The following JMJD1C variants were observed in gnomAD, a reference collection of about 807,000 sequenced individuals.
The protein encoded by JMJD1C is jumonji domain-containing protein 1C.
JMJD1C carries 31 observed loss-of-function variants against 245.3 expected under a neutral mutation model. The observed-to-expected ratio is 0.13, with a 90% CI of 0.09 to 0.17. The LOEUF (loss-of-function observed/expected upper bound fraction) is 0.17. JMJD1C is among the 10% of genes least tolerant of loss of function. The pLI is 1.00. For missense variants in JMJD1C, 2,691 were observed against 3,000.2 expected (o/e 0.90, Z 2.41); for synonymous variants, 1,057 against 1,017.4 (o/e 1.04, Z -0.74).
At chr10:63,294,808 T>C (rs1859184319) in intron 2 of JMJD1C, among the ~76,000 whole-genome samples, 1 of 152,234 alleles carries the variant, frequency 6.6e-6, no homozygotes, top group Non-Finnish European at 1.5e-5. Context: ...TTTGTTTTTG[T>C]ATTTTCCATA....
chr10:63,283,845 A>C (rs1216017255), intron 2 of JMJD1C, among the ~76,000 whole-genome samples: 1 of 149,396 alleles, frequency 6.7e-6, no homozygotes, highest in Non-Finnish European at 1.5e-5. Context: ...TGTAAAAAAC[A>C]AAAAAAAACC....
Position 63,200,476 on chromosome 10 carries a change from C to T in JMJD1C, c.5276G>A (p.Arg1759Gln). The T allele has an allele frequency of 6.2e-7, 1 of 1,606,594 alleles. No homozygotes were observed. The highest frequency in any genetic ancestry group is 2.2e-5 in the East Asian group (1 of 44,812). The stretch of plus-strand genomic sequence containing the variant: ...TTCCCAATCTCATATTTTCACTTAC[C>T]GTCTAAAGTAGTAAAATCTACAAAA... The part of the protein sequence containing the change: ...PVFCRFYYFR[R>Q]LSFSKNGVVR... The change falls in exon 11 of 26, where the codon CGG (arginine) becomes CAG (glutamine). Residue 1759 changes from arginine to glutamine, a missense_variant and splice_region_variant. Physicochemically the swap from Arg to Gln is conservative, Grantham distance 43. This residue lies in a region of JMJD1C where 139 missense variants were observed against 270.5 expected (regional missense o/e 0.51). Transcript: ENST00000399262.
At chr10:63,341,754 A>G (rs971668402) in intron 2 of JMJD1C, among the ~76,000 whole-genome samples, 2 of 152,234 alleles carry the variant, frequency 1.3e-5, no homozygotes, top group Non-Finnish European at 2.9e-5. Flanking sequence ...ATGTGACTTC[A>G]TTAATTCAGC....
rs377342995 is a variant in JMJD1C at position 63,222,558 on chromosome 10, A to T, written c.448-2575T>A. On this transcript the variant is annotated intron_variant, in intron 3 of 25. Coordinates refer to ENST00000399262, the MANE Select transcript of JMJD1C (RefSeq NM_032776.3). ...ACTCAACTCAAATACTGTGAAAAACAGTTTGAACTGTCAGAACAAACAAAA... is the reference window on the plus strand; with the variant it reads ...ACTCAACTCAAATACTGTGAAAAACTGTTTGAACTGTCAGAACAAACAAAA... 187 of 1,576,124 alleles carry T rather than the reference A, an allele frequency of 1.2e-4. No individual in the cohort carries two copies. In the African/African-American group the frequency reaches 2.2e-3, roughly 19 times the overall value.
At chr10:63,362,210 G>A (rs868343267) in intron 2 of JMJD1C, among the ~76,000 whole-genome samples, 8 of 148,532 alleles carry the variant, frequency 5.4e-5, no homozygotes, top group East Asian at 2.0e-4. Flanking sequence ...ACTCCAGCAC[G>A]CGCAACAGAG....
chr10:63,425,061 A>C (rs1950361903), intron 1 of JMJD1C, among the ~76,000 whole-genome samples: 1 of 152,186 alleles, frequency 6.6e-6, no homozygotes, highest in Non-Finnish European at 1.5e-5. Flanking sequence ...GAACTACAGG[A>C]CACAGGCACT....
Position 63,303,602 on chromosome 10 carries a change from G to A in JMJD1C, c.334-38838C>T, listed in dbSNP as rs567276095. On this transcript the variant is annotated intron_variant, in intron 2 of 25. Transcript: ENST00000399262. ...ATTACAGGCGTGATCCACCATACCCGGCCTGCTTGTGCTTTTAATCAATCC... is the reference window on the plus strand; with the variant it reads ...ATTACAGGCGTGATCCACCATACCCAGCCTGCTTGTGCTTTTAATCAATCC... Among the ~76,000 whole-genome samples the A allele has an allele frequency of 1.1e-4, 17 of 152,100 alleles. No homozygotes were observed. In the East Asian group the frequency reaches 1.2e-3, roughly 10 times the overall value.
chr10:63,470,899 A>C (rs1160277264), upstream of JMJD1C, among the ~76,000 whole-genome samples: 2 of 152,226 alleles, frequency 1.3e-5, no homozygotes, highest in African/African-American at 4.8e-5. Context: ...TATTAAAAAC[A>C]AGGTTGATTT....
intron 2 of JMJD1C, among the ~76,000 whole-genome samples, chr10:63,341,147 G>A (rs1943341319): frequency 2.0e-5 from 3 of 152,166 alleles, no homozygotes; most frequent in Admixed American, 2.0e-4. Context: ...CGGATGAGCT[G>A]AAAAACTGAA....
At chr10:63,304,964 C>G (rs1177828030) in intron 2 of JMJD1C, among the ~76,000 whole-genome samples, 1 of 152,088 alleles carries the variant, frequency 6.6e-6, no homozygotes, top group East Asian at 1.9e-4. Context: ...AAGACCCCAT[C>G]TCTACCAAAA....
intron 2 of JMJD1C, among the ~76,000 whole-genome samples, chr10:63,294,109 C>T (rs1859097540): frequency 6.6e-6 from 1 of 152,098 alleles, no homozygotes; most frequent in Non-Finnish European, 1.5e-5. Context: ...TCATCTTCAC[C>T]TTGCAGATGA....
chr10:63,257,227 A>C (rs1854081584), intron 3 of JMJD1C, among the ~76,000 whole-genome samples: 1 of 15,468 alleles, frequency 6.5e-5, no homozygotes, highest in Admixed American at 3.3e-4. Flanking sequence ...ACTTCATCTC[A>C]AAAAAAAAAA....
At chr10:63,262,752 T>C (rs777034353) in intron 3 of JMJD1C, among the ~76,000 whole-genome samples, 2 of 152,118 alleles carry the variant, frequency 1.3e-5, no homozygotes, top group South Asian at 2.1e-4. Context: ...GAGACAAACA[T>C]ACAATTCACT....
At chr10:63,498,852 T>C (rs1954444925) in intron 1 of JMJD1C, among the ~76,000 whole-genome samples, 2 of 152,330 alleles carry the variant, frequency 1.3e-5, no homozygotes, top group Non-Finnish European at 2.9e-5. Flanking sequence ...ACTGAATCTT[T>C]ACGTCCATTG....
Position 63,314,922 on chromosome 10 carries a change from T to C in JMJD1C, c.334-50158A>G, listed in dbSNP as rs536568408. 2.0e-5 allele frequency among the ~76,000 whole-genome samples: 3 copies of C among 151,436 alleles called. No homozygotes were observed. In the East Asian group the frequency reaches 5.8e-4, roughly 29 times the overall value. On this transcript the variant is annotated intron_variant, in intron 2 of 25. Transcript: ENST00000399262. ...CCTCGGCCTCCCAAAGTGCTGGGAT[T>C]ACAGGCTTGAGTTCACTGTGCCCAG...
chr10:63,438,560 C>G (rs1053633893), intron 1 of JMJD1C, among the ~76,000 whole-genome samples: 2 of 152,120 alleles, frequency 1.3e-5, no homozygotes, highest in African/African-American at 4.8e-5. Flanking sequence ...AAGCTTAATC[C>G]TTAAAATGTT....
intron 3 of JMJD1C, among the ~76,000 whole-genome samples, chr10:63,230,617 T>G (rs1395964080): frequency 6.6e-6 from 1 of 151,606 alleles, no homozygotes; most frequent in Non-Finnish European, 1.5e-5. Flanking sequence ...CTATTAAAAT[T>G]ACAAAAACTT....
At chr10:63,511,374 G>T (rs957890737) in intron 1 of JMJD1C, among the ~76,000 whole-genome samples, 2 of 152,084 alleles carry the variant, frequency 1.3e-5, no homozygotes, top group African/African-American at 4.8e-5. Flanking sequence ...GAACTGCATG[G>T]GTCCTCTTAT....
chr10:63,270,479 T>A (rs1272511453), intron 2 of JMJD1C, among the ~76,000 whole-genome samples: 1 of 151,990 alleles, frequency 6.6e-6, no homozygotes, highest in Non-Finnish European at 1.5e-5. Context: ...TCTTCTTTTT[T>A]TTTTTGAGAC....
Sources: gnomAD v4.1 joint callset for allele counts (sites outside exome capture counted in the v4.1 genomes callset) on GRCh38, gnomAD v4.1.1 for gene constraint, gnomAD v4.1.1 regional missense constraint, MANE v1.5 for transcripts, NCBI Gene and HGNC (gene_info 2026-07-23, HGNC 2026-07-21) for gene names.